The following CSF2RA variants were observed in gnomAD, a reference collection of about 807,000 sequenced individuals.
CSF2RA encodes colony stimulating factor 2 receptor subunit alpha, also known as granulocyte-macrophage colony-stimulating factor receptor subunit alpha.
CSF2RA carries 42 observed loss-of-function variants against 51.6 expected under a neutral mutation model. That is an observed-to-expected ratio of 0.81 (90% CI 0.64 to 1.05). The LOEUF (loss-of-function observed/expected upper bound fraction) is 1.05. CSF2RA is among the 50% of genes least tolerant of loss of function. CSF2RA has a pLI of 0.00. For missense variants in CSF2RA, 530 were observed against 501.1 expected (o/e 1.06, Z -0.55); for synonymous variants, 222 against 193.0 (o/e 1.15, Z -1.24).
At chrX:1,313,977 C>T (rs184969655), downstream of CSF2RA, among the ~76,000 whole-genome samples, 403 of 151,074 alleles carry the variant, frequency 2.7e-3, 1 homozygote, top group East Asian at 8.1e-3. Flanking sequence ...GGTGACAGGG[C>T]GAGATTCTGT....
intron 2 of CSF2RA, 89 bp from the exon 3 acceptor site, chrX:1,282,589 G>A: frequency 1.0e-6 from 1 of 954,632 alleles, no homozygotes; most frequent in Non-Finnish European, 1.7e-6. Context: ...TCCTGGGTTT[G>A]TTTCCCCAAA....
At chrX:1,287,111 G>T (rs1219699662) in intron 4 of CSF2RA, 1 of 151,656 alleles carries the variant, frequency 6.6e-6, no homozygotes, top group Non-Finnish European at 1.5e-5. Context: ...TACACGGAGG[G>T]ATGGGTGGTC....
intron 3 of CSF2RA, among the ~76,000 whole-genome samples, chrX:1,283,517 CCTT>C (rs1160912768): frequency 7.9e-6 from 1 of 126,970 alleles, no homozygotes; most frequent in Admixed American, 8.8e-5. Flanking sequence ...TTTTTTTTCT[CCTT>C]CTTTGTTTCT....
At chrX:1,278,332 C>CA (rs2089469120) in intron 2 of CSF2RA, among the ~76,000 whole-genome samples, 1 of 132,476 alleles carries the variant, frequency 7.5e-6, no homozygotes. Context: ...GACTCAGTCT[C>CA]AAAAAAACAA....
chrX:1,311,081 C>G (rs1486607057), downstream of CSF2RA, among the ~76,000 whole-genome samples: 3 of 151,848 alleles, frequency 2.0e-5, no homozygotes, highest in African/African-American at 7.3e-5. Context: ...AACCCCGCTT[C>G]TACTAAAAAT....
rs1192069982 is a variant in CSF2RA at position 1,279,040 on chromosome X, AAAAT to A, written c.-26-3627_-26-3624del. 8.6e-5 allele frequency among the ~76,000 whole-genome samples: 12 copies of A among 138,858 alleles called. No individual in the cohort carries two copies. In the Middle Eastern group the frequency reaches 0.019, roughly 214 times the overall value. 91.1% of individuals were successfully genotyped at this position (138,858 alleles called of 152,430 possible). A position where few individuals can be genotyped will look rare whatever the true frequency, so the allele number is the denominator to read the frequency against. ...CGACAGAGTGAGACTCCATCTCCAA[AAAAT>A]AAATAAATAAGTCAACCAAGAAGGC... On this transcript the variant is annotated intron_variant, in intron 2 of 12. Transcript: ENST00000381529.
chrX:1,301,161 A>G (rs1395588700), intron 10 of CSF2RA, among the ~76,000 whole-genome samples: 1 of 141,294 alleles, frequency 7.1e-6, no homozygotes, highest in African/African-American at 2.8e-5. Flanking sequence ...TCAAAAAAAA[A>G]AAGAAAAAAA....
chrX:1,304,142 C>T, intron 11 of CSF2RA, 123 bp downstream of exon 11: 1 of 902,468 alleles, frequency 1.1e-6, no homozygotes, highest in Non-Finnish European at 1.8e-6. Flanking sequence ...GGCGTGTTGG[C>T]TCATGCCTGT....
intron 8 of CSF2RA, among the ~76,000 whole-genome samples, chrX:1,295,062 T>C (rs28703926): frequency 0.37 from 33,521 of 90,208 alleles, 3,605 homozygotes; most frequent in African/African-American, 0.44. Flanking sequence ...CCCTGCCCCA[T>C]GTCCACCTCG....
At chrX:1,303,081 G>T (rs2083168218) in intron 10 of CSF2RA, among the ~76,000 whole-genome samples, 2 of 121,224 alleles carry the variant, frequency 1.6e-5, no homozygotes, top group African/African-American at 3.1e-5. Flanking sequence ...ATTTTGAGAT[G>T]GAGTTTCGCT....
downstream of CSF2RA, among the ~76,000 whole-genome samples, chrX:1,314,348 T>C (rs2084355484): frequency 7.0e-6 from 1 of 142,246 alleles, no homozygotes; most frequent in African/African-American, 2.6e-5. Context: ...CCACTGCGCC[T>C]GCCCAACCCC....
intron 3 of CSF2RA, among the ~76,000 whole-genome samples, chrX:1,284,886 C>T (rs1227091356): frequency 1.1e-4 from 16 of 151,852 alleles, no homozygotes; most frequent in Non-Finnish European, 1.3e-4. Context: ...AGGCTGGTCT[C>T]GAACTGCTGA....
intron 4 of CSF2RA, chrX:1,287,220 C>G (rs1479494159): frequency 1.5e-5 from 2 of 133,602 alleles, no homozygotes; most frequent in Non-Finnish European, 3.0e-5. Context: ...CTGGTGTGAT[C>G]TTGGCTCACT....
At chrX:1,304,160 G>GAGTGCTGGGATTA in intron 11 of CSF2RA, 141 bp downstream of exon 11, 1 of 749,746 alleles carries the variant, frequency 1.3e-6, no homozygotes, top group Non-Finnish European at 2.3e-6. Flanking sequence ...TGTAATCCCA[G>GAGTGCTGGGATTA]CACTCTGGGA....
chrX:1,308,757 T>G (rs1274304642), intron 12 of CSF2RA, among the ~76,000 whole-genome samples: 1 of 151,912 alleles, frequency 6.6e-6, no homozygotes, highest in East Asian at 1.9e-4. Context: ...CACATCGAGG[T>G]GCCAGGATGA....
At chrX:1,277,698 C>T (rs1350202639) in intron 2 of CSF2RA, among the ~76,000 whole-genome samples, 2 of 151,090 alleles carry the variant, frequency 1.3e-5, no homozygotes, top group Non-Finnish European at 1.5e-5. Context: ...CTCCAGAGGC[C>T]GGGCGCAGTG....
At chrX:1,284,660 A>ATTTTTT (rs61159606) in intron 3 of CSF2RA, among the ~76,000 whole-genome samples, 6 of 24,450 alleles carry the variant, frequency 2.5e-4, no homozygotes, top group Non-Finnish European at 3.5e-4. Context: ...CTAGTTTTTG[A>ATTTTTT]TTTTTTTTTT....
At chrX:1,310,883 T>C (rs748810115), downstream of CSF2RA, among the ~76,000 whole-genome samples, 2 of 152,160 alleles carry the variant, frequency 1.3e-5, no homozygotes, top group South Asian at 4.1e-4. Context: ...TCCTTATAAA[T>C]GGCTTGGTGC....
chrX:1,282,820 G>A (rs760224387), intron 3 of CSF2RA, 41 bp downstream of exon 3: 3 of 1,533,450 alleles, frequency 2.0e-6, no homozygotes, highest in Non-Finnish European at 9.0e-7. Context: ...CGCGGCCCCT[G>A]TTTAGATGTC....
Sources: allele counts gnomAD v4.1 joint callset (sites outside exome capture counted in the v4.1 genomes callset), GRCh38; gene constraint gnomAD v4.1.1; transcripts MANE v1.5; gene names NCBI Gene and HGNC (gene_info 2026-07-23, HGNC 2026-07-21).